The following CTNNA2 variants were observed in gnomAD, a reference collection of about 807,000 sequenced individuals.
CTNNA2 encodes catenin alpha 2.
In CTNNA2, 42 loss-of-function variants were observed where a neutral mutation model predicts 101.0. That is an observed-to-expected ratio of 0.42 (90% CI 0.32 to 0.54). The LOEUF (loss-of-function observed/expected upper bound fraction) is 0.54. CTNNA2 is among the 20% of genes least tolerant of loss of function. The pLI is 0.14. For missense variants in CTNNA2, 871 were observed against 1,223.1 expected, an observed-to-expected ratio of 0.71 and a Z score of 4.29; for synonymous variants, 450 against 456.4, an observed-to-expected ratio of 0.99 and a Z score of 0.18.
intron 7 of CTNNA2, among the ~76,000 whole-genome samples, chr2:79,917,229 G>A (rs35484472): frequency 0.6 from 91,229 of 151,560 alleles, 27,816 homozygotes; most frequent in East Asian, 0.78. Context: ...CTGCCACCAC[G>A]TCCAGCTAAT....
intron 7 of CTNNA2, among the ~76,000 whole-genome samples, chr2:80,291,215 G>A (rs1322387204): frequency 2.6e-5 from 4 of 152,220 alleles, no homozygotes; most frequent in African/African-American, 7.2e-5. Flanking sequence ...GAAGTTCATC[G>A]CTTTGCCTGT....
At chr2:79,599,238 TTC>T (rs1677394316) in intron 1 of CTNNA2, among the ~76,000 whole-genome samples, 1 of 152,222 alleles carries the variant, frequency 6.6e-6, no homozygotes, top group African/African-American at 2.4e-5. Flanking sequence ...GTAGTGTCAA[TTC>T]TCTGACTTTA....
At chr2:79,744,624 A>C (rs777188641) in intron 3 of CTNNA2, 42 bp downstream of exon 3, 1 of 1,516,084 alleles carries the variant, frequency 6.6e-7, no homozygotes. Flanking sequence ...ATCTATACTG[A>C]TGTGCAAACA....
intron 7 of CTNNA2, among the ~76,000 whole-genome samples, chr2:80,155,169 G>A (rs1703935980): frequency 6.6e-6 from 1 of 152,162 alleles, no homozygotes; most frequent in African/African-American, 2.4e-5. Flanking sequence ...ACAGAAATGT[G>A]ATTAGAAAAG....
At chr2:79,846,378 T>G (rs1680233072) in intron 3 of CTNNA2, among the ~76,000 whole-genome samples, 1 of 152,252 alleles carries the variant, frequency 6.6e-6, no homozygotes, top group South Asian at 2.1e-4. Context: ...ATGTGCCTTT[T>G]TTATACTTCT....
In CTNNA2 at chr2:79,194,219, A is replaced by G. The variant is rs570890693; in HGVS notation, c.-523-3740A>G. Reference sequence around the variant, plus strand: ...TGTAAGAATACTGAGAGGGTTTTTGAGCTGCTGTGAATAAAACTGTTGGTG... The same window carrying G: ...TGTAAGAATACTGAGAGGGTTTTTGGGCTGCTGTGAATAAAACTGTTGGTG... On this transcript the variant is annotated intron_variant, in intron 1 of 21. Coordinates refer to the CTNNA2 transcript ENST00000466387. Among the ~76,000 whole-genome samples, 10 of 152,254 alleles carry G rather than the reference A, an allele frequency of 6.6e-5. No homozygotes were observed. In the South Asian group the frequency reaches 2.1e-3, roughly 32 times the overall value.
At chr2:79,203,334 T>C (rs1674061746) in intron 2 of CTNNA2, among the ~76,000 whole-genome samples, 1 of 152,198 alleles carries the variant, frequency 6.6e-6, no homozygotes, top group African/African-American at 2.4e-5. Flanking sequence ...TCATGACTCA[T>C]ATAAATGAAA....
chr2:79,409,432 G>C (rs1678381481), intron 4 of CTNNA2, among the ~76,000 whole-genome samples: 1 of 151,998 alleles, frequency 6.6e-6, no homozygotes, highest in Admixed American at 6.6e-5. Context: ...TATGGTTTTA[G>C]GTCTAACATT....
At chr2:79,211,897 C>A (rs371118068) in intron 2 of CTNNA2, among the ~76,000 whole-genome samples, 64 of 152,144 alleles carry the variant, frequency 4.2e-4, no homozygotes, top group Non-Finnish European at 1.2e-4. Context: ...AGGGGCGGCG[C>A]GGGAACCTAG....
At chr2:80,565,398 G>A (rs142313552) in intron 12 of CTNNA2, among the ~76,000 whole-genome samples, 247 of 152,216 alleles carry the variant, frequency 1.6e-3, no homozygotes, top group Middle Eastern at 6.8e-3. Context: ...AGGATGATAC[G>A]GGGCTGCTGA....
At chr2:79,889,644 A>G (rs184149207) in intron 6 of CTNNA2, among the ~76,000 whole-genome samples, 256 of 152,290 alleles carry the variant, frequency 1.7e-3, no homozygotes, top group South Asian at 0.01. Context: ...TGTGGGATGA[A>G]CATTTATATG....
At chr2:79,998,727 T>C (rs1692724125) in intron 7 of CTNNA2, among the ~76,000 whole-genome samples, 1 of 152,218 alleles carries the variant, frequency 6.6e-6, no homozygotes, top group Non-Finnish European at 1.5e-5. Context: ...CATCATTGCC[T>C]AACCCCTTTA....
At chr2:79,742,004 GA>G (rs1448318750) in intron 2 of CTNNA2, among the ~76,000 whole-genome samples, 2 of 151,958 alleles carry the variant, frequency 1.3e-5, no homozygotes, top group African/African-American at 4.8e-5. Flanking sequence ...TTCCACCCAT[GA>G]GTACATGAGA....
intron 2 of CTNNA2, among the ~76,000 whole-genome samples, chr2:79,247,945 C>G (rs1165383521): frequency 6.6e-6 from 1 of 152,102 alleles, no homozygotes; most frequent in African/African-American, 2.4e-5. Context: ...GACTTCATCC[C>G]AAGTGAAAGT....
intron 7 of CTNNA2, among the ~76,000 whole-genome samples, chr2:79,925,417 A>T (rs989158522): frequency 1.3e-5 from 2 of 152,136 alleles, no homozygotes; most frequent in African/African-American, 2.4e-5. Flanking sequence ...AATTCAGGAC[A>T]ACCATTAGGG....
intron 7 of CTNNA2, among the ~76,000 whole-genome samples, chr2:80,024,366 TA>T: frequency 6.6e-6 from 1 of 152,154 alleles, no homozygotes; most frequent in Non-Finnish European, 1.5e-5. Context: ...AGAACAGGCT[TA>T]TTGGGAAAGA....
At chr2:79,368,997 C>T (rs540487539) in intron 3 of CTNNA2, among the ~76,000 whole-genome samples, 43 of 152,244 alleles carry the variant, frequency 2.8e-4, no homozygotes, top group Non-Finnish European at 5.0e-4. Context: ...CCTGCTTAAC[C>T]TTAGCTGGGG....
At chr2:79,374,004 G>T (rs1196348166) in exon 4 of CTNNA2, 7 of 152,132 alleles carry the variant, frequency 4.6e-5, no homozygotes, top group African/African-American at 1.7e-4. Flanking sequence ...TCATCTGGCT[G>T]AACCTAAAGG....
chr2:80,275,387 C>T (rs1352346686), intron 7 of CTNNA2, among the ~76,000 whole-genome samples: 1 of 152,084 alleles, frequency 6.6e-6, no homozygotes, highest in Non-Finnish European at 1.5e-5. Context: ...ATTCAATTAC[C>T]ATTTGATTTA....
Sources: allele counts gnomAD v4.1 joint callset (sites outside exome capture counted in the v4.1 genomes callset), GRCh38; gene constraint gnomAD v4.1.1; transcripts MANE v1.5; gene names NCBI Gene and HGNC (gene_info 2026-07-23, HGNC 2026-07-21).